DEPDC5: variants seen among roughly 807,000 people sequenced by gnomAD.
DEPDC5 encodes GATOR1 complex protein DEPDC5.
In DEPDC5, 73 loss-of-function variants were observed where a neutral mutation model predicts 217.3. The observed-to-expected ratio is 0.34, with a 90% CI of 0.28 to 0.41. The LOEUF (loss-of-function observed/expected upper bound fraction) is 0.41. Ranked by LOEUF, DEPDC5 falls within the 10% of genes least tolerant of loss-of-function variation. The pLI is 1.00. For missense variants in DEPDC5, 1,675 were observed against 2,070.1 expected (o/e 0.81, Z 3.70); for synonymous variants, 733 against 756.7 (o/e 0.97, Z 0.51).
intron 10 of DEPDC5, among the ~76,000 whole-genome samples, chr22:31,785,407 C>G (rs1359360539): frequency 6.6e-6 from 1 of 152,106 alleles, no homozygotes; most frequent in Non-Finnish European, 1.5e-5. Flanking sequence ...ATACTTTACC[C>G]TAGGAGCTGT....
chr22:31,822,252 C>T (rs958708023), intron 23 of DEPDC5, among the ~76,000 whole-genome samples: 1 of 152,206 alleles, frequency 6.6e-6, no homozygotes, highest in Admixed American at 6.5e-5. Context: ...AAACACTTTG[C>T]AAAATGCAGT....
At chr22:31,798,233 T>G (rs1254231257) in intron 13 of DEPDC5, among the ~76,000 whole-genome samples, 2 of 152,146 alleles carry the variant, frequency 1.3e-5, no homozygotes, top group African/African-American at 2.4e-5. Context: ...GCCACTTATT[T>G]AAGAGTTCAT....
Position 31,906,115 on chromosome 22 carries a change from T to C in DEPDC5, c.4519+49T>C. The C allele has an allele frequency of 1.2e-6, 2 of 1,613,756 alleles. No individual in the cohort carries two copies. ...GGCAGGTGGGTCCACATCCCTTTCC[T>C]TGCACCAAGCCTATGGCTGCAGAAC... On this transcript the variant is annotated intron_variant, in intron 42 of 42. Transcript: ENST00000651528. This position sits in a 1 kb window ranked among gnomAD's most constrained non-coding sequence, Gnocchi z 5.1.
In DEPDC5 at chr22:31,815,115, C is replaced by T; in HGVS notation, c.1569C>T (p.Asp523=). ...TEEVRSQASD[D]SSLGKSANIL... ...AAGTGAGGAGCCAGGCTTCTGACGA[C>T]AGCTCCCTAGGCAAGAGTGCCAACA... Residue 523 remains aspartate, a synonymous_variant, in exon 21 of 43, where the codon GAC becomes GAT. Coordinates refer to ENST00000651528, the MANE Select transcript of DEPDC5 (RefSeq NM_001242896.3). 2 of 1,614,208 alleles carry T rather than the reference C, an allele frequency of 1.2e-6. No individual in the cohort carries two copies. Among genetic ancestry groups the T allele is most frequent in the Non-Finnish European group, 1.7e-6 (2 of 1,180,036 alleles).
At chr22:31,774,912 G>A (rs11705097) in intron 7 of DEPDC5, among the ~76,000 whole-genome samples, 3 of 151,902 alleles carry the variant, frequency 2.0e-5, no homozygotes, top group South Asian at 2.1e-4. Context: ...ATGAGCCACC[G>A]TGCCTGACCT....
At chr22:31,817,422 T>A (rs2089254048) in intron 21 of DEPDC5, 1 of 471,534 alleles carries the variant, frequency 2.1e-6, no homozygotes, top group African/African-American at 2.0e-5. Context: ...AGTGACATCT[T>A]TCATATACTT....
intron 10 of DEPDC5, among the ~76,000 whole-genome samples, chr22:31,790,747 CTT>C (rs558878199): frequency 3.9e-5 from 5 of 128,192 alleles, no homozygotes; most frequent in African/African-American, 6.3e-5. Flanking sequence ...TTTTTTTTTT[CTT>C]TTTTTTTTTT....
At chr22:31,867,581 C>G (rs1174138444) in intron 33 of DEPDC5, among the ~76,000 whole-genome samples, 5 of 152,222 alleles carry the variant, frequency 3.3e-5, no homozygotes, top group African/African-American at 1.2e-4. Flanking sequence ...GGTCTACCAT[C>G]TGCTTTTGTA....
intron 33 of DEPDC5, among the ~76,000 whole-genome samples, chr22:31,861,874 T>G (rs2092527795): frequency 6.6e-6 from 1 of 152,248 alleles, no homozygotes; most frequent in Non-Finnish European, 1.5e-5. Flanking sequence ...TTCATAGGCA[T>G]GTGCTAATGC....
At chr22:31,775,425 A>G (rs1330580578) in intron 7 of DEPDC5, among the ~76,000 whole-genome samples, 1 of 151,472 alleles carries the variant, frequency 6.6e-6, no homozygotes. Context: ...TGATCCACCC[A>G]CCTCGGCCTC....
At chr22:31,848,427 T>C (rs548284164) in intron 31 of DEPDC5, among the ~76,000 whole-genome samples, 1 of 152,302 alleles carries the variant, frequency 6.6e-6, no homozygotes, top group African/African-American at 2.4e-5. Context: ...CAAACCTCAG[T>C]TCTTGACTTC....
intron 10 of DEPDC5, among the ~76,000 whole-genome samples, chr22:31,791,193 T>C (rs2085591274): frequency 6.6e-6 from 1 of 152,138 alleles, no homozygotes; most frequent in African/African-American, 2.4e-5. Context: ...CCTGGCACTT[T>C]AGATAACTTT....
At chr22:31,881,159 A>G (rs1270216859) in intron 38 of DEPDC5, among the ~76,000 whole-genome samples, 1 of 151,830 alleles carries the variant, frequency 6.6e-6, no homozygotes, top group Non-Finnish European at 1.5e-5. Context: ...AAAATCAGTC[A>G]GGTGTGGTGG....
At chr22:31,757,920 C>G (rs751057488) in intron 2 of DEPDC5, among the ~76,000 whole-genome samples, 1 of 152,096 alleles carries the variant, frequency 6.6e-6, no homozygotes, top group African/African-American at 2.4e-5. Context: ...CCCACCACCA[C>G]ACCTGGCTAA....
rs1356893898 is a variant in DEPDC5, at chr22:31,837,063, C to T, written c.2262C>T (p.Pro754=). 2.5e-6 allele frequency: 4 copies of T among 1,614,188 alleles called. No individual in the cohort carries two copies. Among genetic ancestry groups the T allele is most frequent in the Non-Finnish European group, 3.4e-6 (4 of 1,180,036 alleles). ...CTCTCACTACTCCGGCGTGCCTCCC[C>T]CTTACCACCGACTACTTCCCTGACC... The part of the protein sequence containing the change: ...WKSLTTPACL[P]LTTDYFPDRQ... The change falls in exon 26 of 43, where the codon CCC becomes CCT. Residue 754 remains proline, a synonymous_variant. Transcript: ENST00000651528.
At chr22:31,868,303 G>A (rs367578324) in intron 33 of DEPDC5, among the ~76,000 whole-genome samples, 1 of 152,124 alleles carries the variant, frequency 6.6e-6, no homozygotes. Flanking sequence ...GCATCAAGTG[G>A]GTAGAAGCCA....
intron 24 of DEPDC5, among the ~76,000 whole-genome samples, chr22:31,826,793 C>T (rs777730445): frequency 6.6e-6 from 1 of 151,946 alleles, no homozygotes; most frequent in East Asian, 1.9e-4. Context: ...CATTTATGGA[C>T]AAATGAATTT....
chr22:31,877,462 A>AC (rs1476976209), intron 37 of DEPDC5, among the ~76,000 whole-genome samples: 4 of 145,016 alleles, frequency 2.8e-5, no homozygotes, highest in Non-Finnish European at 6.0e-5. Flanking sequence ...AAAAAAAAAA[A>AC]AAAAACAGGC....
intron 10 of DEPDC5, 105 bp downstream of exon 10, chr22:31,784,980 G>A (rs1446899780): frequency 1.9e-5 from 18 of 957,060 alleles, no homozygotes; most frequent in Non-Finnish European, 2.6e-5. Context: ...GCTATTTTAG[G>A]TAAAACCCGG....
Sources: gnomAD v4.1 joint callset for allele counts (sites outside exome capture counted in the v4.1 genomes callset) on GRCh38, gnomAD v4.1.1 for gene constraint, Gnocchi (gnomAD v3.1) non-coding constraint, MANE v1.5 for transcripts, NCBI Gene and HGNC (gene_info 2026-07-23, HGNC 2026-07-21) for gene names.